The following CALCOCO1 variants were observed in gnomAD, a reference collection of about 807,000 sequenced individuals.
CALCOCO1 encodes the protein calcium-binding and coiled-coil domain-containing protein 1.
Under a neutral mutation model 86.3 loss-of-function variants are expected in CALCOCO1, and 44 were observed. The observed-to-expected ratio is 0.51, with a 90% CI of 0.40 to 0.66. CALCOCO1 has a LOEUF of 0.66. Ranked by LOEUF, CALCOCO1 falls within the 30% of genes least tolerant of loss-of-function variation. The pLI, the probability that CALCOCO1 is intolerant of heterozygous loss-of-function variation, is 0.00. For missense variants in CALCOCO1, 708 were observed against 851.1 expected (o/e 0.83, Z 2.09); for synonymous variants, 297 against 327.6 (o/e 0.91, Z 1.01).
chr12:53,712,755 G>A (rs567380212), intron 14 of CALCOCO1: 41 of 1,280,882 alleles, frequency 3.2e-5, no homozygotes, highest in African/African-American at 2.9e-4. Context: ...CTTCCTCCCC[G>A]GAGGACCCTA....
Position 53,725,075 on chromosome 12 carries a change from T to C in CALCOCO1, c.156+12A>G. On this transcript the variant is annotated intron_variant, in intron 2 of 14. Transcript: ENST00000550804. Reference sequence around the variant, plus strand: ...GCCCATAAACCTAAGCCAAAAGGGGTTCCAGAGATACCTTGAAGATGCCAA... The same window carrying C: ...GCCCATAAACCTAAGCCAAAAGGGGCTCCAGAGATACCTTGAAGATGCCAA... The C allele has an allele frequency of 1.3e-6, 2 of 1,580,942 alleles. No homozygotes were observed. Among genetic ancestry groups the C allele is most frequent in the East Asian group, 2.2e-5 (1 of 44,448 alleles).
intron 5 of CALCOCO1, 42 bp downstream of exon 5, chr12:53,721,983 G>T (rs1179570292): frequency 1.2e-6 from 2 of 1,607,830 alleles, no homozygotes; most frequent in Admixed American, 1.7e-5. Flanking sequence ...TGGATGCTGG[G>T]TGAGCAGCCA....
intron 3 of CALCOCO1, chr12:53,724,105 G>C: frequency 2.5e-6 from 1 of 406,266 alleles, no homozygotes; most frequent in South Asian, 1.9e-5. Context: ...ATCTTGGCTT[G>C]TTGCAACCTC....
At chr12:53,722,941 C>CT (rs1565649404) in intron 4 of CALCOCO1, 1 of 278,522 alleles carries the variant, frequency 3.6e-6, no homozygotes, top group Non-Finnish European at 6.7e-6. Flanking sequence ...GCAAGGCTGT[C>CT]TCAAAAAAAA....
intron 1 of CALCOCO1, among the ~76,000 whole-genome samples, chr12:53,726,805 A>G (rs960383754): frequency 2.0e-5 from 3 of 152,122 alleles, no homozygotes; most frequent in Non-Finnish European, 4.4e-5. Flanking sequence ...GTGGGGGTAA[A>G]TTGTCCCCAA....
chr12:53,721,135 G>A (rs1358183299), intron 6 of CALCOCO1, among the ~76,000 whole-genome samples: 1 of 152,122 alleles, frequency 6.6e-6, no homozygotes, highest in Non-Finnish European at 1.5e-5. Flanking sequence ...CTTTCCTGTG[G>A]CCACATCTGA....
chr12:53,715,089 A>T (rs777972587), intron 10 of CALCOCO1, 111 bp downstream of exon 10: 2 of 1,333,048 alleles, frequency 1.5e-6, no homozygotes, highest in Non-Finnish European at 1.0e-6. Flanking sequence ...AATGCCACCC[A>T]ACATGGTAGT....
chr12:53,718,323 A>G (rs1225760437), intron 7 of CALCOCO1, among the ~76,000 whole-genome samples: 1 of 152,206 alleles, frequency 6.6e-6, no homozygotes, highest in Admixed American at 6.5e-5. Context: ...CTCTCATTTC[A>G]AAGTTTGGTA....
intron 7 of CALCOCO1, among the ~76,000 whole-genome samples, chr12:53,717,974 G>A (rs61922774): frequency 0.044 from 6,659 of 152,234 alleles, 193 homozygotes; most frequent in Non-Finnish European, 0.065. Flanking sequence ...GCAGTGAGCC[G>A]AGATCGCGCC....
rs747168456 is a variant in CALCOCO1 at position 53,714,609 on chromosome 12, C to G, written c.1471G>C (p.Glu491Gln). Residue 491 changes from glutamate (E) to glutamine (Q), a missense_variant, in exon 11 of 15, where the codon GAG becomes CAG. Coordinates refer to ENST00000550804, the MANE Select transcript of CALCOCO1 (RefSeq NM_020898.3). ...TTATGGGTGCTCACCTGTTTCTCCT[C>G]CTGTAACTGCTCCTTTTCCTTCTGG... ...VLQKEKEQLQEEKQELLEYMR... is the reference protein window; with the variant it reads ...VLQKEKEQLQQEKQELLEYMR... The G allele has an allele frequency of 1.2e-6, 2 of 1,614,004 alleles. No individual in the cohort carries two copies. Among genetic ancestry groups the G allele is most frequent in the Non-Finnish European group, 1.7e-6 (2 of 1,179,842 alleles).
At chr12:53,717,350 G>T (rs940817752) in intron 7 of CALCOCO1, among the ~76,000 whole-genome samples, 12 of 152,162 alleles carry the variant, frequency 7.9e-5, no homozygotes, top group African/African-American at 2.9e-4. Context: ...TACAGGCGTG[G>T]GCCACTACAC....
At chr12:53,714,285 G>C in intron 11 of CALCOCO1, 44 bp from the exon 12 acceptor site, 1 of 1,453,298 alleles carries the variant, frequency 6.9e-7, no homozygotes, top group Non-Finnish European at 9.6e-7. Flanking sequence ...GAATGGGAAG[G>C]TGCCAACCTT....
chr12:53,719,720 T>A lies in CALCOCO1; in HGVS notation c.849+19A>T. The A allele has an allele frequency of 6.3e-7, 1 of 1,579,980 alleles. No homozygotes were observed. Among genetic ancestry groups the A allele is most frequent in the Admixed American group, 1.7e-5 (1 of 59,240 alleles). ...CTGGCTGGACAATGGAGAAAGCAAA[T>A]CAACTCTGAGCCCCTTACCTCACTT... On this transcript the variant is annotated intron_variant, in intron 7 of 14. Transcript: ENST00000550804.
intron 5 of CALCOCO1, 26 bp downstream of exon 5, chr12:53,721,999 T>C (rs1334933380): frequency 3.7e-6 from 6 of 1,611,074 alleles, no homozygotes; most frequent in Non-Finnish European, 5.1e-6. Context: ...AGCCAGGCCC[T>C]GTCCCCTACC....
intron 1 of CALCOCO1, chr12:53,726,371 T>G (rs1946034019): frequency 6.6e-6 from 1 of 152,162 alleles, no homozygotes; most frequent in South Asian, 2.1e-4. Context: ...GTGTTCCAAG[T>G]TAGCTGGGGA....
At chr12:53,721,880 G>T in intron 5 of CALCOCO1, 145 bp downstream of exon 5, 1 of 933,056 alleles carries the variant, frequency 1.1e-6, no homozygotes, top group Non-Finnish European at 1.6e-6. Flanking sequence ...TTTAATCCCA[G>T]CCACTACCCC....
At chr12:53,712,638 T>C in intron 14 of CALCOCO1, 1 of 353,954 alleles carries the variant, frequency 2.8e-6, no homozygotes, top group Non-Finnish European at 4.9e-6. Context: ...TCCCTAAGGG[T>C]TACCCAGGGA....
At chr12:53,717,521 T>C (rs1945757719) in intron 7 of CALCOCO1, among the ~76,000 whole-genome samples, 1 of 152,240 alleles carries the variant, frequency 6.6e-6, no homozygotes, top group Non-Finnish European at 1.5e-5. Context: ...TTCTGGCCTT[T>C]AAGCCTTTGC....
At position 53,714,608 on chromosome 12, in the gene CALCOCO1, T is replaced by A. The variant is rs373578638; in HGVS notation, c.1472A>T (p.Glu491Val). The A allele has an allele frequency of 1.1e-5, 17 of 1,613,772 alleles. No homozygotes were observed. Among genetic ancestry groups the A allele is most frequent in the Admixed American group, 5.0e-5 (3 of 60,004 alleles). Residue 491 changes from glutamate (E) to valine (V), a missense_variant, in exon 11 of 15, where the codon GAG (glutamate) becomes GTG (valine). Glu to Val is a moderately radical substitution (Grantham distance 121). Coordinates refer to ENST00000550804, the MANE Select transcript of CALCOCO1 (RefSeq NM_020898.3). The stretch of plus-strand genomic sequence containing the variant: ...GTTATGGGTGCTCACCTGTTTCTCC[T>A]CCTGTAACTGCTCCTTTTCCTTCTG... Reference protein sequence around the residue: ...VLQKEKEQLQEEKQELLEYMR... With the variant: ...VLQKEKEQLQVEKQELLEYMR...
Sources: allele counts gnomAD v4.1 joint callset (sites outside exome capture counted in the v4.1 genomes callset), GRCh38; gene constraint gnomAD v4.1.1; transcripts MANE v1.5; gene names NCBI Gene and HGNC (gene_info 2026-07-23, HGNC 2026-07-21).